TSGA10: variants seen among roughly 807,000 people sequenced by gnomAD.
The protein encoded by TSGA10 is testis-specific gene 10 protein.
In TSGA10, 43 loss-of-function variants were observed where a neutral mutation model predicts 96.6. The ratio of observed to expected loss-of-function variants is 0.44; its 90% CI spans 0.35 to 0.57. The LOEUF is 0.57. Ranked by LOEUF, TSGA10 falls within the 20% of genes least tolerant of loss-of-function variation. TSGA10 has a pLI of 0.01. For synonymous variants in TSGA10, 229 were observed against 269.9 expected, an observed-to-expected ratio of 0.85 and a Z score of 1.48; for missense variants, 703 against 834.4, an observed-to-expected ratio of 0.84 and a Z score of 1.94.
At chr2:99,136,367 G>A (rs918332796) in intron 1 of TSGA10, among the ~76,000 whole-genome samples, 20 of 152,104 alleles carry the variant, frequency 1.3e-4, no homozygotes. Context: ...AAAACAAATA[G>A]AATCTTACAA....
intron 20 of TSGA10, among the ~76,000 whole-genome samples, chr2:99,001,353 A>G (rs1164566994): frequency 6.6e-6 from 1 of 152,144 alleles, no homozygotes; most frequent in Non-Finnish European, 1.5e-5. Flanking sequence ...TCTGGAGTGG[A>G]CCTCCAGCAA....
At chr2:99,058,681 T>G (rs1468410497) in intron 16 of TSGA10, among the ~76,000 whole-genome samples, 3 of 152,124 alleles carry the variant, frequency 2.0e-5, no homozygotes, top group South Asian at 2.1e-4. Flanking sequence ...GCCTACAAAT[T>G]TGACAACTTA....
At chr2:98,998,472 G>A (rs928774147) in intron 20 of TSGA10, among the ~76,000 whole-genome samples, 15 of 152,194 alleles carry the variant, frequency 9.9e-5, no homozygotes, top group Middle Eastern at 3.4e-3. Flanking sequence ...TGGATCTCAC[G>A]GGCATTATGC....
chr2:99,082,000 G>T (rs1175845840), intron 10 of TSGA10, among the ~76,000 whole-genome samples: 3 of 152,146 alleles, frequency 2.0e-5, no homozygotes, highest in Admixed American at 6.5e-5. Context: ...TCCCTTAGCT[G>T]GGAAAGCCGG....
chr2:99,036,378 T>G (rs1041464473), intron 16 of TSGA10, among the ~76,000 whole-genome samples: 1 of 152,136 alleles, frequency 6.6e-6, no homozygotes, highest in Non-Finnish European at 1.5e-5. Context: ...TTGAATATAC[T>G]CTATGTTCCA....
chr2:99,143,021 T>C (rs2093588572), intron 1 of TSGA10, among the ~76,000 whole-genome samples: 1 of 152,110 alleles, frequency 6.6e-6, no homozygotes, highest in East Asian at 1.9e-4. Flanking sequence ...ATTTTCCTTT[T>C]TTTTCCTATC....
At chr2:99,080,879 T>A (rs929437927) in intron 11 of TSGA10, among the ~76,000 whole-genome samples, 5 of 152,082 alleles carry the variant, frequency 3.3e-5, no homozygotes, top group Admixed American at 1.3e-4. Context: ...ACTAACACTA[T>A]CCCCTTGGTG....
intron 7 of TSGA10, among the ~76,000 whole-genome samples, chr2:99,108,580 T>C (rs534673724): frequency 6.6e-6 from 1 of 152,286 alleles, no homozygotes; most frequent in African/African-American, 2.4e-5. Context: ...TCATATCTTA[T>C]TCCAAAAATA....
chr2:99,139,350 T>C (rs1409591471), intron 1 of TSGA10, among the ~76,000 whole-genome samples: 1 of 152,204 alleles, frequency 6.6e-6, no homozygotes, highest in Non-Finnish European at 1.5e-5. Context: ...TAAGATTATA[T>C]AATAAAAAGT....
intron 16 of TSGA10, among the ~76,000 whole-genome samples, chr2:99,044,307 T>A: frequency 7.7e-6 from 1 of 130,604 alleles, no homozygotes; most frequent in African/African-American, 3.1e-5. Context: ...ACACATAGGC[T>A]CAAAATAAAG....
Position 99,071,855 on chromosome 2 carries a change from TTAGGGCC to T in TSGA10, c.951_957del (p.Ala318LeufsTer56). The T allele has an allele frequency of 3.1e-6, 5 of 1,613,878 alleles. No individual in the cohort carries two copies. The highest frequency in any genetic ancestry group is 4.2e-6 in the Non-Finnish European group (5 of 1,179,848). ...CTGGAAACGTCTTGTTCACACACAA[TTAGGGCC>T]TCAGTACACTGTCTATTCCACAAAT... On this transcript the variant is annotated frameshift_variant, in exon 14 of 21. Transcript: ENST00000393483. LOFTEE classifies it high-confidence loss of function.
chr2:99,149,785 C>CTTTTTTT (rs70940143), intron 1 of TSGA10, among the ~76,000 whole-genome samples: 1 of 112,456 alleles, frequency 8.9e-6, no homozygotes, highest in African/African-American at 3.7e-5. Context: ...TCACAAGTAT[C>CTTTTTTT]TTTTTTTTTT....
At chr2:99,043,731 T>C (rs1272530156) in intron 16 of TSGA10, among the ~76,000 whole-genome samples, 1 of 152,078 alleles carries the variant, frequency 6.6e-6, no homozygotes, top group Non-Finnish European at 1.5e-5. Flanking sequence ...TCTAACATAT[T>C]CAAAGAGCTC....
chr2:99,121,961 A>G (rs1245225391), intron 2 of TSGA10, among the ~76,000 whole-genome samples: 1 of 152,116 alleles, frequency 6.6e-6, no homozygotes, highest in Non-Finnish European at 1.5e-5. Context: ...GAAGTGTGAG[A>G]TTTAAGTGGA....
At chr2:99,113,387 G>T (rs1334671639) in intron 4 of TSGA10, among the ~76,000 whole-genome samples, 1 of 152,114 alleles carries the variant, frequency 6.6e-6, no homozygotes, top group Non-Finnish European at 1.5e-5. Flanking sequence ...GGAAGGTGGA[G>T]GGAGAATAAA....
intron 17 of TSGA10, among the ~76,000 whole-genome samples, chr2:99,030,827 T>G (rs746792733): frequency 2.6e-5 from 4 of 152,148 alleles, no homozygotes; most frequent in Non-Finnish European, 5.9e-5. Flanking sequence ...TGCTGAAAAC[T>G]ACACAGTTAA....
At chr2:99,100,044 G>T (rs983660046) in intron 10 of TSGA10, among the ~76,000 whole-genome samples, 1 of 151,910 alleles carries the variant, frequency 6.6e-6, no homozygotes, top group African/African-American at 2.4e-5. Flanking sequence ...AATATAGAGA[G>T]ATATACAATG....
intron 20 of TSGA10, among the ~76,000 whole-genome samples, chr2:99,016,991 TC>T (rs890428046): frequency 1.3e-5 from 2 of 152,010 alleles, no homozygotes; most frequent in Admixed American, 1.3e-4. Flanking sequence ...AATTAAAAAA[TC>T]AAAAAGCATA....
intron 16 of TSGA10, among the ~76,000 whole-genome samples, chr2:99,048,457 C>T (rs1406863905): frequency 6.6e-6 from 1 of 152,002 alleles, no homozygotes. Flanking sequence ...CTTTGACAAA[C>T]CTGACAAAAA....
Sources: allele counts gnomAD v4.1 joint callset (sites outside exome capture counted in the v4.1 genomes callset), GRCh38; gene constraint gnomAD v4.1.1; transcripts MANE v1.5; gene names NCBI Gene and HGNC (gene_info 2026-07-23, HGNC 2026-07-21).